EPB41L3: variants seen among roughly 807,000 people sequenced by gnomAD.
The protein encoded by EPB41L3 is erythrocyte membrane protein band 4.1 like 3.
A neutral mutation model predicts 127.1 loss-of-function variants in EPB41L3; 57 were observed. The observed-to-expected ratio is 0.45, with a 90% CI of 0.36 to 0.56. The LOEUF (loss-of-function observed/expected upper bound fraction) is 0.56, where lower values mean the gene tolerates loss of function less well. Ranked by LOEUF, EPB41L3 falls within the 20% of genes least tolerant of loss-of-function variation. The pLI, the probability that EPB41L3 is intolerant of heterozygous loss-of-function variation, is 0.00. For missense variants in EPB41L3, 1,273 were observed against 1,372.2 expected (o/e 0.93, Z 1.14); for synonymous variants, 572 against 549.5 (o/e 1.04, Z -0.57).
intron 3 of EPB41L3, among the ~76,000 whole-genome samples, chr18:5,580,825 G>A (rs375441699): frequency 5.6e-4 from 85 of 152,308 alleles, no homozygotes; most frequent in Non-Finnish European, 1.0e-3. Flanking sequence ...CACGCAAGAA[G>A]CAACTCACCT....
At chr18:5,514,261 T>C (rs1157538477) in intron 1 of EPB41L3, among the ~76,000 whole-genome samples, 1 of 152,240 alleles carries the variant, frequency 6.6e-6, no homozygotes, top group Non-Finnish European at 1.5e-5. Flanking sequence ...AAAGTTCATC[T>C]TCCCTTCACA....
chr18:5,513,518 T>A (rs757134294), intron 1 of EPB41L3, among the ~76,000 whole-genome samples: 8 of 152,176 alleles, frequency 5.3e-5, no homozygotes, highest in Non-Finnish European at 1.0e-4. Flanking sequence ...TGTCCATTGG[T>A]CTTCGCCTAT....
At chr18:5,484,409 A>G in intron 2 of EPB41L3, among the ~76,000 whole-genome samples, 1 of 151,920 alleles carries the variant, frequency 6.6e-6, no homozygotes, top group Non-Finnish European at 1.5e-5. Context: ...CCTTCAAATA[A>G]ATAACTCAAC....
intron 1 of EPB41L3, among the ~76,000 whole-genome samples, chr18:5,518,151 G>A (rs2148771068): frequency 6.6e-6 from 1 of 152,194 alleles, no homozygotes; most frequent in African/African-American, 2.4e-5. Flanking sequence ...GCACACATCA[G>A]GCCCCCTCAG....
At chr18:5,548,178 G>A (rs146991219), upstream of EPB41L3, among the ~76,000 whole-genome samples, 364 of 152,280 alleles carry the variant, frequency 2.4e-3, 3 homozygotes, top group African/African-American at 8.4e-3. Context: ...CAGCCACAGC[G>A]TTACTGGGGA....
chr18:5,528,965 C>T (rs1186602401), intron 1 of EPB41L3: 1 of 152,156 alleles, frequency 6.6e-6, no homozygotes, highest in African/African-American at 2.4e-5. Flanking sequence ...GAGTAATGGT[C>T]AATACAGCTG....
At chr18:5,514,489 C>T (rs763533767) in intron 1 of EPB41L3, among the ~76,000 whole-genome samples, 1 of 152,012 alleles carries the variant, frequency 6.6e-6, no homozygotes. Context: ...TATAATCCAC[C>T]AGCAAATAAT....
intron 19 of EPB41L3, 49 bp downstream of exon 19, chr18:5,396,152 G>C: frequency 1.9e-6 from 3 of 1,610,102 alleles, no homozygotes; most frequent in African/African-American, 1.3e-5. Flanking sequence ...CTAGGCCATA[G>C]AGGGGTGAAA....
chr18:5,594,281 G>A (rs1377836945), intron 3 of EPB41L3, among the ~76,000 whole-genome samples: 4 of 151,962 alleles, frequency 2.6e-5, no homozygotes, highest in African/African-American at 9.7e-5. Context: ...CCCTCCATTC[G>A]GGGTCCCTGA....
intron 1 of EPB41L3, among the ~76,000 whole-genome samples, chr18:5,618,400 T>C (rs925483068): frequency 2.0e-5 from 3 of 152,204 alleles, no homozygotes; most frequent in African/African-American, 4.8e-5. Flanking sequence ...GCATTCCTTA[T>C]GCGGGAAATG....
intron 1 of EPB41L3, among the ~76,000 whole-genome samples, chr18:5,504,290 T>A (rs777010341): frequency 4.1e-4 from 63 of 152,306 alleles, no homozygotes; most frequent in Middle Eastern, 3.4e-3. Flanking sequence ...ATTTTTTTTT[T>A]AATTTTTTCC....
chr18:5,502,599 A>C (rs1240332446), intron 1 of EPB41L3, among the ~76,000 whole-genome samples: 1 of 152,226 alleles, frequency 6.6e-6, no homozygotes, highest in Non-Finnish European at 1.5e-5. Flanking sequence ...AGGGTTCCTC[A>C]AACATGCATG....
chr18:5,501,277 AAATGAATGAATGAATG>A (rs77332925), intron 1 of EPB41L3, among the ~76,000 whole-genome samples: 4 of 150,878 alleles, frequency 2.7e-5, no homozygotes, highest in Non-Finnish European at 3.0e-5. Flanking sequence ...TTAAGTATTT[AAATGAATGAATGAATG>A]AATGAATGAA....
chr18:5,565,550 A>G (rs1038658775), intron 3 of EPB41L3, among the ~76,000 whole-genome samples: 10 of 150,074 alleles, frequency 6.7e-5, no homozygotes, highest in Non-Finnish European at 1.2e-4. Flanking sequence ...GGTGTGCTGC[A>G]CCCATTAACT....
chr18:5,458,739 A>G (rs1253027095), intron 3 of EPB41L3, among the ~76,000 whole-genome samples: 2 of 152,214 alleles, frequency 1.3e-5, no homozygotes, highest in African/African-American at 4.8e-5. Context: ...TGAAATTGAT[A>G]TTTTTGTAGC....
In EPB41L3 at chr18:5,625,467, G is replaced by A. The variant is rs140401727; in HGVS notation, c.-468+3455C>T. ...CAGGTCTCCCACACAGGTGACTCAG[G>A]ACATGGTGGTCCTACGGTAAGGGAG... On this transcript the variant is annotated intron_variant, in intron 1 of 21. Coordinates refer to the EPB41L3 transcript ENST00000545076. Among the ~76,000 whole-genome samples, 287 of 152,284 alleles carry A rather than the reference G, an allele frequency of 1.9e-3. 1 individual carries two copies. Among genetic ancestry groups the A allele is most frequent in the African/African-American group, 6.5e-3 (270 of 41,548 alleles).
intron 12 of EPB41L3, among the ~76,000 whole-genome samples, chr18:5,416,967 G>A (rs1282144249): frequency 6.6e-6 from 1 of 151,990 alleles, no homozygotes; most frequent in Non-Finnish European, 1.5e-5. Flanking sequence ...TATCTGATAA[G>A]TAGTTACAAT....
At chr18:5,553,178 G>T (rs1289615244) in intron 3 of EPB41L3, among the ~76,000 whole-genome samples, 1 of 152,192 alleles carries the variant, frequency 6.6e-6, no homozygotes, top group Non-Finnish European at 1.5e-5. Flanking sequence ...GCTACTAAAA[G>T]ACTGTAAGGC....
At chr18:5,410,967 AAAATGTTTAATGC>A (rs1173203017) in intron 13 of EPB41L3, among the ~76,000 whole-genome samples, 14 of 152,230 alleles carry the variant, frequency 9.2e-5, no homozygotes, top group African/African-American at 2.7e-4. Flanking sequence ...ACATCTCCTT[AAAATGTTTAATGC>A]AAATAAAATT....
Sources: gnomAD v4.1 joint callset for allele counts (sites outside exome capture counted in the v4.1 genomes callset) on GRCh38, gnomAD v4.1.1 for gene constraint, MANE v1.5 for transcripts, NCBI Gene and HGNC (gene_info 2026-07-23, HGNC 2026-07-21) for gene names.